Variants in LRP1B observed in about 807,000 individuals in gnomAD.
LRP1B encodes low-density lipoprotein receptor-related protein 1B.
In LRP1B, 217 loss-of-function variants were observed where a neutral mutation model predicts 556.6. That is an observed-to-expected ratio of 0.39 (90% CI 0.35 to 0.44). The LOEUF (loss-of-function observed/expected upper bound fraction) is 0.44, where lower values mean the gene tolerates loss of function less well. LRP1B is among the 20% of genes least tolerant of loss of function. The pLI, the probability that LRP1B is intolerant of heterozygous loss-of-function variation, is 1.00. For missense variants in LRP1B, 5,053 were observed against 5,620.8 expected (o/e 0.90, Z 3.23); for synonymous variants, 2,047 against 1,865.8 (o/e 1.10, Z -2.50).
At chr2:141,906,213 A>G (rs1699756577) in intron 1 of LRP1B, among the ~76,000 whole-genome samples, 1 of 151,878 alleles carries the variant, frequency 6.6e-6, no homozygotes, top group Non-Finnish European at 1.5e-5. Context: ...ATTTTTTTAA[A>G]AAGTTCTCAA....
intron 3 of LRP1B, among the ~76,000 whole-genome samples, chr2:141,270,190 C>A (rs1438783100): frequency 6.6e-6 from 1 of 151,956 alleles, no homozygotes; most frequent in East Asian, 1.9e-4. Context: ...ATAGTATCAC[C>A]AATCATTAAG....
At chr2:140,937,948 C>T (rs6721069) in intron 20 of LRP1B, among the ~76,000 whole-genome samples, 17,013 of 150,986 alleles carry the variant, frequency 0.11, 1,419 homozygotes, top group East Asian at 0.22. Context: ...GTCAGAACTA[C>T]CTTGATTTTC....
chr2:140,534,058 A>G lies in LRP1B; in HGVS notation c.7725T>C (p.Asn2575=). 6.2e-7 allele frequency: 1 copy of G among 1,613,574 alleles called. No individual in the cohort carries two copies. The highest frequency in any genetic ancestry group is 8.5e-7 in the Non-Finnish European group (1 of 1,179,650). The change falls in exon 47 of 91, where the codon AAT becomes AAC. Residue 2575 remains asparagine, a synonymous_variant. Coordinates refer to ENST00000389484, the MANE Select transcript of LRP1B (RefSeq NM_018557.3). Reference sequence around the variant, plus strand: ...ATTCATCAGAGTTGTCTCCGCAGTCATTTTCTCCATCACATAACTTGCCAT... The same window carrying G: ...ATTCATCAGAGTTGTCTCCGCAGTCGTTTTCTCCATCACATAACTTGCCAT... ...IPHGKLCDGE[N]DCGDNSDELD... is the part of the protein sequence containing the mutation.
chr2:141,550,789 T>C (rs993342814), intron 2 of LRP1B, among the ~76,000 whole-genome samples: 1 of 152,136 alleles, frequency 6.6e-6, no homozygotes, highest in African/African-American at 2.4e-5. Context: ...CCTTCCCCAA[T>C]GTTTTCCTGT....
chr2:141,031,963 ATTTCTTTGTTAT>A (rs1698386081), intron 11 of LRP1B, among the ~76,000 whole-genome samples: 1 of 151,956 alleles, frequency 6.6e-6, no homozygotes, highest in African/African-American at 2.4e-5. Flanking sequence ...CTATAATCAC[ATTTCTTTGTTAT>A]TTTCTTTGTA....
In LRP1B at chr2:140,825,034, T is replaced by A. The variant is rs191013999; in HGVS notation, c.5210-11228A>T. On this transcript the variant is annotated intron_variant, in intron 31 of 90. Coordinates refer to ENST00000389484, the MANE Select transcript of LRP1B (RefSeq NM_018557.3). ...TTTTAGTTGATGAGGCAGTAGGTAA[T>A]CATATATTCAACAAACAAATTAAAA... is the stretch of plus-strand genomic sequence containing the variant. 2.0e-5 allele frequency among the ~76,000 whole-genome samples: 3 copies of A among 152,206 alleles called. No homozygotes were observed. In the East Asian group the frequency reaches 5.8e-4, roughly 29 times the overall value.
intron 1 of LRP1B, among the ~76,000 whole-genome samples, chr2:142,098,553 C>T (rs1217495321): frequency 6.6e-6 from 1 of 151,508 alleles, no homozygotes; most frequent in Non-Finnish European, 1.5e-5. Flanking sequence ...TACCCATTTT[C>T]AATTTTAGGA....
intron 14 of LRP1B, among the ~76,000 whole-genome samples, chr2:141,009,661 C>A (rs1042053644): frequency 4.6e-5 from 7 of 151,944 alleles, no homozygotes; most frequent in African/African-American, 1.7e-4. Context: ...ATAAAAACTG[C>A]TATGTCTGTT....
At chr2:141,859,572 GT>G (rs1698174251) in intron 1 of LRP1B, among the ~76,000 whole-genome samples, 1 of 152,134 alleles carries the variant, frequency 6.6e-6, no homozygotes, top group Non-Finnish European at 1.5e-5. Context: ...TAAAAAGTAT[GT>G]TTCCTGTTTA....
At chr2:141,974,497 A>G (rs1349023655) in intron 1 of LRP1B, among the ~76,000 whole-genome samples, 1 of 152,012 alleles carries the variant, frequency 6.6e-6, no homozygotes, top group Non-Finnish European at 1.5e-5. Context: ...CCAGTTAAAC[A>G]GTACGGGTTC....
At chr2:141,883,314 G>A (rs980858030) in intron 1 of LRP1B, among the ~76,000 whole-genome samples, 1 of 152,152 alleles carries the variant, frequency 6.6e-6, no homozygotes, top group African/African-American at 2.4e-5. Context: ...AGAAGGAGCT[G>A]AAAGGAGAAA....
intron 3 of LRP1B, among the ~76,000 whole-genome samples, chr2:141,264,694 A>T (rs1454612207): frequency 1.3e-4 from 20 of 152,154 alleles, no homozygotes; most frequent in Admixed American, 1.2e-3. Flanking sequence ...ACCTCAAGTG[A>T]TCCACCTGCC....
chr2:140,911,187 T>G (rs1694407585), intron 21 of LRP1B, among the ~76,000 whole-genome samples: 1 of 151,790 alleles, frequency 6.6e-6, no homozygotes, highest in African/African-American at 2.4e-5. Flanking sequence ...GCTTTTGATG[T>G]GTTGAAAGGG....
intron 3 of LRP1B, among the ~76,000 whole-genome samples, chr2:141,442,796 A>T (rs1357368391): frequency 6.6e-6 from 1 of 152,158 alleles, no homozygotes; most frequent in Non-Finnish European, 1.5e-5. Flanking sequence ...TCCATGGTGT[A>T]TATGTGCCAC....
chr2:140,885,110 C>T (rs1693595716), intron 24 of LRP1B, among the ~76,000 whole-genome samples: 1 of 152,162 alleles, frequency 6.6e-6, no homozygotes, highest in African/African-American at 2.4e-5. Context: ...GACATATTAA[C>T]AATGTGTTTT....
At chr2:140,563,623 A>C (rs941019534) in intron 43 of LRP1B, among the ~76,000 whole-genome samples, 5 of 152,162 alleles carry the variant, frequency 3.3e-5, no homozygotes, top group African/African-American at 1.2e-4. Context: ...ACTTTTATCA[A>C]AGCAATTTCA....
intron 3 of LRP1B, among the ~76,000 whole-genome samples, chr2:141,276,658 C>CTTTT (rs11353705): frequency 5.7e-5 from 7 of 122,922 alleles, no homozygotes; most frequent in African/African-American, 1.8e-4. Flanking sequence ...TTCTTTCTTT[C>CTTTT]TTTTTTTTTT....
At chr2:140,868,871 C>A (rs963091771) in intron 25 of LRP1B, among the ~76,000 whole-genome samples, 3 of 151,994 alleles carry the variant, frequency 2.0e-5, no homozygotes, top group Non-Finnish European at 4.4e-5. Flanking sequence ...TAAATATATA[C>A]AGACATAGTG....
intron 3 of LRP1B, among the ~76,000 whole-genome samples, chr2:141,454,488 A>G (rs1014027459): frequency 2.0e-5 from 3 of 152,168 alleles, no homozygotes; most frequent in African/African-American, 7.2e-5. Context: ...TGGTCTGTGC[A>G]GACCAACCAC....
Sources: gnomAD v4.1 joint callset for allele counts (sites outside exome capture counted in the v4.1 genomes callset) on GRCh38, gnomAD v4.1.1 for gene constraint, MANE v1.5 for transcripts, NCBI Gene and HGNC (gene_info 2026-07-23, HGNC 2026-07-21) for gene names.